The following ZNF329 variants were observed in gnomAD, a reference collection of about 807,000 sequenced individuals.
ZNF329 encodes zinc finger protein 329.
ZNF329 carries 15 observed loss-of-function variants against 26.6 expected under a neutral mutation model. The observed-to-expected ratio is 0.56, with a 90% CI of 0.38 to 0.87. The LOEUF (loss-of-function observed/expected upper bound fraction) is 0.87, where lower values mean the gene tolerates loss of function less well. Ranked by LOEUF, ZNF329 falls within the 40% of genes least tolerant of loss-of-function variation. The probability of loss-of-function intolerance (pLI) is 0.00; values close to 1 mark genes in which losing one functional copy is unlikely to be tolerated. For missense variants in ZNF329, 651 were observed against 651.9 expected (o/e 1.00, Z 0.02); for synonymous variants, 239 against 233.5 (o/e 1.02, Z -0.21).
intron 3 of ZNF329, chr19:58,137,058 T>TAAAAAAAAAA (rs11355450): frequency 1.6e-5 from 2 of 123,766 alleles, no homozygotes; most frequent in Non-Finnish European, 1.8e-5. Context: ...TAAGTACAGA[T>TAAAAAAAAAA]AAAAAAAAAA....
At position 58,127,805 on chromosome 19, in the gene ZNF329, G is replaced by A. The variant is rs1385413625; in HGVS notation, c.*73C>T. The stretch of plus-strand genomic sequence containing the variant: ...GGATTCTTTTCTACTGACCAGAGAG[G>A]AGTCAGATCTAAGACACGCCTCCTA... On this transcript the variant is annotated 3_prime_UTR_variant, in exon 4 of 4. Transcript: ENST00000598312. 1 of 1,358,068 alleles carries A rather than the reference G, an allele frequency of 7.4e-7. No homozygotes were observed. The highest frequency in any genetic ancestry group is 1.5e-5 in the African/African-American group (1 of 68,488). The allele number at this position is 1,358,068 out of a possible 1,614,324, so 84.1% of individuals were successfully genotyped here.
rs769976463 is a variant in ZNF329, at chr19:58,129,486, C to T, written c.18G>A (p.Thr6=). 8 of 1,593,948 alleles carry T rather than the reference C, an allele frequency of 5.0e-6. No homozygotes were observed. Among genetic ancestry groups the T allele is most frequent in the African/African-American group, 1.4e-5 (1 of 73,914 alleles). ...CTTCTCTCTCAGGAAAATTCCGAGT[C>T]GTCATTTTCAATCTCATATCCCAAA... The part of the protein sequence containing the change: MRLKM[T]TRNFPEREVP... Residue 6 remains threonine, a synonymous_variant, in exon 4 of 4, where the codon ACG becomes ACA. Coordinates refer to ENST00000598312, the MANE Select transcript of ZNF329 (RefSeq NM_024620.4).
At position 58,128,343 on chromosome 19, in the gene ZNF329, A is replaced by G; in HGVS notation, c.1161T>C (p.Ile387=). Residue 387 remains isoleucine, a synonymous_variant, in exon 4 of 4, where the codon ATT becomes ATC. Coordinates refer to ENST00000598312, the MANE Select transcript of ZNF329 (RefSeq NM_024620.4). The part of the protein sequence containing the change: ...GKSFNRNSHL[I]VHQKIHSGEK... ...CCCCAGAATGGATCTTTTGATGCAC[A>G]ATGAGGTGAGAGTTTCTGTTGAAGG... 1 of 1,614,080 alleles carries G rather than the reference A, an allele frequency of 6.2e-7. No individual in the cohort carries two copies.
At chr19:58,149,895 G>C (rs1462167139) in intron 1 of ZNF329, among the ~76,000 whole-genome samples, 2 of 152,184 alleles carry the variant, frequency 1.3e-5, no homozygotes, top group Non-Finnish European at 1.5e-5. Context: ...GGTAAGCATA[G>C]TGAGGTGTTT....
In ZNF329 at chr19:58,143,107, G is replaced by C. The variant is rs1369643413; in HGVS notation, c.-116C>G. 3 of 152,310 alleles carry C rather than the reference G, an allele frequency of 2.0e-5. No individual in the cohort carries two copies. Among genetic ancestry groups the C allele is most frequent in the Non-Finnish European group, 2.9e-5 (2 of 68,154 alleles). 9.4% of individuals were successfully genotyped at this position (152,310 alleles called of 1,614,324 possible). A position where few individuals can be genotyped will look rare whatever the true frequency, so the allele number is the denominator to read the frequency against. Reference sequence around the variant, plus strand: ...TAGCCAGGCGTGATGGTGCATACCTGAAGTCCCAGCTACTTGGTAGCCCAG... The same window carrying C: ...TAGCCAGGCGTGATGGTGCATACCTCAAGTCCCAGCTACTTGGTAGCCCAG... On this transcript the variant is annotated splice_region_variant and 5_prime_UTR_variant, in exon 2 of 4. Transcript: ENST00000598312.
chr19:58,152,664 C>T (rs935168841), upstream of ZNF329, among the ~76,000 whole-genome samples: 1 of 152,082 alleles, frequency 6.6e-6, no homozygotes, highest in Non-Finnish European at 1.5e-5. Context: ...TCAAGACCAG[C>T]CTGGCAAACA....
Position 58,128,282 on chromosome 19 carries a change from A to C in ZNF329, c.1222T>G (p.Phe408Val), listed in dbSNP as rs777036356. ...CTGATGAGGTACGCACTCTCGATGA[A>C]AGTCTTGCCACATTCTTTACATTCA... ...PYECKECGKT[F>V]IESAYLIRHQ... The change falls in exon 4 of 4, where the codon TTC becomes GTC. Residue 408 changes from phenylalanine to valine, a missense_variant. By Grantham distance (50) the Phe-to-Val change is conservative. Coordinates refer to ENST00000598312, the MANE Select transcript of ZNF329 (RefSeq NM_024620.4). 6 of 1,611,762 alleles carry C rather than the reference A, an allele frequency of 3.7e-6. No individual in the cohort carries two copies. The highest frequency in any genetic ancestry group is 5.1e-6 in the Non-Finnish European group (6 of 1,178,654).
chr19:58,127,949 T>C lies in ZNF329; in HGVS notation c.1555A>G (p.Met519Val), dbSNP rs2074837369. The C allele has an allele frequency of 6.2e-7, 1 of 1,612,882 alleles. No homozygotes were observed. Among genetic ancestry groups the C allele is most frequent in the Non-Finnish European group, 8.5e-7 (1 of 1,179,404 alleles). ...GPSRCPQCGK[M>V]FQKSSSLVRH... ...ACAAGGGATGAGCTCTTTTGGAACATTTTTCCACACTGAGGACACCGGCTG... is the reference window on the plus strand; with the variant it reads ...ACAAGGGATGAGCTCTTTTGGAACACTTTTCCACACTGAGGACACCGGCTG... Residue 519 changes from methionine (M) to valine (V), a missense_variant, in exon 4 of 4, where the codon ATG (methionine) becomes GTG (valine). Physicochemically the swap from Met to Val is conservative, Grantham distance 21. Transcript: ENST00000598312.
At chr19:58,153,683 C>T (rs190952834), upstream of ZNF329, among the ~76,000 whole-genome samples, 4 of 152,284 alleles carry the variant, frequency 2.6e-5, no homozygotes, top group East Asian at 7.7e-4. Context: ...TCAAGATAAG[C>T]ATCCCAGAAG....
chr19:58,146,090 T>TGGATCCTGGATC lies in ZNF329; in HGVS notation c.-207-2904_-207-2893dup, dbSNP rs2075303518. Among the ~76,000 whole-genome samples, 6 of 151,886 alleles carry TGGATCCTGGATC rather than the reference T, an allele frequency of 4.0e-5. No homozygotes were observed. The South Asian group carries it at 1.2e-3, about 32-fold the overall frequency. On this transcript the variant is annotated intron_variant, in intron 1 of 3. Coordinates refer to ENST00000598312, the MANE Select transcript of ZNF329 (RefSeq NM_024620.4). ...GTCAATGTAACACAGGATCCTGGATTGGATCCTGGATCAAAACAAATACCC... is the reference window on the plus strand; with the variant it reads ...GTCAATGTAACACAGGATCCTGGATTGGATCCTGGATCGGATCCTGGATCAAAACAAATACCC...
chr19:58,137,916 T>A (rs1324174972), intron 3 of ZNF329, among the ~76,000 whole-genome samples: 1 of 150,878 alleles, frequency 6.6e-6, no homozygotes, highest in Non-Finnish European at 1.5e-5. Context: ...GGGTCAGAGG[T>A]TGCAGTGAAC....
chr19:58,147,437 C>G (rs970188304), intron 1 of ZNF329, among the ~76,000 whole-genome samples: 2 of 146,284 alleles, frequency 1.4e-5, no homozygotes, highest in South Asian at 4.3e-4. Context: ...CAGCCCCCCG[C>G]CCGGCCAGCC....
At chr19:58,154,817 G>A, upstream of ZNF329, 1 of 152,316 alleles carries the variant, frequency 6.6e-6, no homozygotes, top group East Asian at 1.9e-4. Context: ...CTGTGGGCAG[G>A]ATCGCAGGCA....
At chr19:58,140,418 T>TA (rs201760150) in intron 3 of ZNF329, among the ~76,000 whole-genome samples, 2 of 150,564 alleles carry the variant, frequency 1.3e-5, no homozygotes, top group African/African-American at 4.9e-5. Flanking sequence ...CTCTTTCTTT[T>TA]TTTTTTTTTT....
At chr19:58,148,391 TAAA>T (rs1241009357) in intron 1 of ZNF329, among the ~76,000 whole-genome samples, 1,133 of 103,814 alleles carry the variant, frequency 0.011, 15 homozygotes, top group African/African-American at 0.037. Flanking sequence ...AATGATCAAT[TAAA>T]AAAAAAAAAA....
At chr19:58,152,737 A>T (rs904869713), upstream of ZNF329, among the ~76,000 whole-genome samples, 3 of 152,030 alleles carry the variant, frequency 2.0e-5, no homozygotes, top group East Asian at 5.8e-4. Context: ...GGTGCCTATA[A>T]TCCTAGCTAC....
At chr19:58,139,291 G>A (rs1205254021) in intron 3 of ZNF329, among the ~76,000 whole-genome samples, 3 of 151,876 alleles carry the variant, frequency 2.0e-5, no homozygotes, top group East Asian at 1.9e-4. Flanking sequence ...CTAGAATATC[G>A]AAAACTCTTA....
At chr19:58,144,380 CTATA>C (rs913740807) in intron 1 of ZNF329, among the ~76,000 whole-genome samples, 1 of 66,756 alleles carries the variant, frequency 1.5e-5, no homozygotes, top group Non-Finnish European at 3.1e-5. Context: ...ATCTATCTAT[CTATA>C]TATATATATA....
intron 3 of ZNF329, among the ~76,000 whole-genome samples, chr19:58,139,200 T>C (rs894786682): frequency 6.6e-6 from 1 of 152,090 alleles, no homozygotes; most frequent in Non-Finnish European, 1.5e-5. Flanking sequence ...ATACTTCCTT[T>C]GTTGAAATAA....
Sources: gnomAD v4.1 joint callset for allele counts (sites outside exome capture counted in the v4.1 genomes callset) on GRCh38, gnomAD v4.1.1 for gene constraint, MANE v1.5 for transcripts, NCBI Gene and HGNC (gene_info 2026-07-23, HGNC 2026-07-21) for gene names.